The following CENPE variants were observed in gnomAD, a reference collection of about 807,000 sequenced individuals.
CENPE encodes centromere protein E.
CENPE carries 145 observed loss-of-function variants against 336.1 expected under a neutral mutation model. The ratio of observed to expected loss-of-function variants is 0.43; its 90% CI spans 0.38 to 0.50. The LOEUF is 0.50. Ranked by LOEUF, CENPE falls within the 20% of genes least tolerant of loss-of-function variation. The probability of loss-of-function intolerance (pLI) is 0.00; values close to 1 mark genes in which losing one functional copy is unlikely to be tolerated. For missense variants in CENPE, 2,719 were observed against 3,023.3 expected (o/e 0.90, Z 2.36); for synonymous variants, 1,013 against 984.8 (o/e 1.03, Z -0.54).
intron 42 of CENPE, among the ~76,000 whole-genome samples, chr4:103,123,868 T>C (rs1006981301): frequency 2.0e-5 from 3 of 152,188 alleles, no homozygotes; most frequent in African/African-American, 7.2e-5. Flanking sequence ...AGAAGGTCAA[T>C]AGTAGTCTAA....
At chr4:103,174,076 A>G (rs948012819) in intron 16 of CENPE, among the ~76,000 whole-genome samples, 1 of 151,958 alleles carries the variant, frequency 6.6e-6, no homozygotes, top group Non-Finnish European at 1.5e-5. Context: ...ACTTTCCACA[A>G]CAGCCAAGAT....
chr4:103,171,703 A>G (rs1322764018), intron 16 of CENPE, among the ~76,000 whole-genome samples: 1 of 151,648 alleles, frequency 6.6e-6, no homozygotes, highest in Non-Finnish European at 1.5e-5. Context: ...TCCACAAAAT[A>G]AAGAGTTTTT....
At chr4:103,156,778 CAG>C (rs1753992814) in intron 24 of CENPE, among the ~76,000 whole-genome samples, 8 of 151,940 alleles carry the variant, frequency 5.3e-5, no homozygotes, top group African/African-American at 1.9e-4. Context: ...ATACAATCAA[CAG>C]AGTAAAAAGA....
At chr4:103,145,445 A>C in intron 31 of CENPE, 78 bp downstream of exon 31, 1 of 1,421,138 alleles carries the variant, frequency 7.0e-7, no homozygotes, top group Non-Finnish European at 9.6e-7. Context: ...TAAGCATGCC[A>C]AATAGTAGTC....
intron 16 of CENPE, among the ~76,000 whole-genome samples, chr4:103,166,342 C>T (rs1285039938): frequency 1.3e-5 from 2 of 152,120 alleles, no homozygotes; most frequent in African/African-American, 4.8e-5. Flanking sequence ...TAAATCCAGG[C>T]AATTTCACTC....
intron 2 of CENPE, 152 bp from the exon 3 acceptor site, chr4:103,196,404 G>C: frequency 1.5e-6 from 1 of 676,216 alleles, no homozygotes. Context: ...TCAACTTTTT[G>C]GTTCTCTGAA....
intron 16 of CENPE, among the ~76,000 whole-genome samples, chr4:103,174,396 TTAGA>T (rs894486192): frequency 6.6e-6 from 1 of 151,902 alleles, no homozygotes; most frequent in Non-Finnish European, 1.5e-5. Context: ...ATAATGACAG[TTAGA>T]TAGCAGGAAT....
intron 40 of CENPE, among the ~76,000 whole-genome samples, chr4:103,134,619 G>C (rs1751905909): frequency 8.6e-6 from 1 of 115,716 alleles, no homozygotes; most frequent in Non-Finnish European, 1.6e-5. Flanking sequence ...CTGGGCAACA[G>C]AGCAAGACTC....
intron 16 of CENPE, among the ~76,000 whole-genome samples, chr4:103,164,248 A>G (rs1354725931): frequency 6.6e-6 from 1 of 152,118 alleles, no homozygotes; most frequent in African/African-American, 2.4e-5. Context: ...GTAGCATTAA[A>G]TATCTGAGTA....
At chr4:103,132,560 C>T (rs539530125) in intron 42 of CENPE, 133 bp downstream of exon 42, 60 of 455,304 alleles carry the variant, frequency 1.3e-4, no homozygotes, top group Non-Finnish European at 2.0e-4. Context: ...AGGAAGAACA[C>T]GTTTTATCAA....
At chr4:103,133,625 A>G (rs573515667) in intron 41 of CENPE, 70 bp downstream of exon 41, 3 of 1,018,738 alleles carry the variant, frequency 2.9e-6, no homozygotes, top group Admixed American at 2.5e-5. Flanking sequence ...CTCTAAGCAC[A>G]TGAAAAAGTA....
chr4:103,158,674 T>C lies in CENPE; in HGVS notation c.2814A>G (p.Gln938=), dbSNP rs61756290. The change falls in exon 23 of 49, where the codon CAA becomes CAG. Residue 938 remains glutamine, a synonymous_variant. Transcript: ENST00000265148. ...TQEKDDLKQL[Q]ESLQIERDQL... ...GGTCCCTCTCAATTTGCAAGCTTTC[T>C]TGGAGTTGTTTTAGATCATCTTTTT... The C allele has an allele frequency of 2.0e-5, 32 of 1,611,632 alleles. No homozygotes were observed. The highest frequency in any genetic ancestry group is 2.6e-5 in the Non-Finnish European group (31 of 1,179,166).
At position 103,158,326 on chromosome 4, in the gene CENPE, C is replaced by T. The variant is rs774696021; in HGVS notation, c.3007G>A (p.Glu1003Lys). 3 of 1,607,736 alleles carry T rather than the reference C, an allele frequency of 1.9e-6. No homozygotes were observed. Among genetic ancestry groups the T allele is most frequent in the Non-Finnish European group, 2.5e-6 (3 of 1,177,666 alleles). The change falls in exon 24 of 49, where the codon GAA (glutamate) becomes AAA (lysine). Residue 1003 changes from glutamate to lysine, a missense_variant. Glu to Lys is a moderately conservative substitution (Grantham distance 56). Coordinates refer to ENST00000265148, the MANE Select transcript of CENPE (RefSeq NM_001813.3). The part of the protein sequence containing the change: ...RNLHMEENTG[E>K]TKDEFQQKMV... ...TTTTGCTGAAATTCATCTTTAGTTT[C>T]TCCTGTATTTTCCTCCATATGCAAA...
chr4:103,162,091 T>C (rs1754495730), intron 18 of CENPE, among the ~76,000 whole-genome samples: 1 of 152,050 alleles, frequency 6.6e-6, no homozygotes, highest in Admixed American at 6.5e-5. Flanking sequence ...TGGGCAGTTC[T>C]GCTTGCCACG....
At chr4:103,164,660 C>T (rs924804083) in intron 16 of CENPE, among the ~76,000 whole-genome samples, 3 of 151,922 alleles carry the variant, frequency 2.0e-5, no homozygotes, top group Non-Finnish European at 4.4e-5. Context: ...GTAATCTATC[C>T]AACATGTTTC....
rs145882184 is a variant in CENPE, at chr4:103,146,927, G to C, written c.4134+429C>G. 4.3e-4 allele frequency among the ~76,000 whole-genome samples: 66 copies of C among 152,254 alleles called. 2 individuals are homozygous for C. The East Asian group carries it at 0.012, about 27-fold the overall frequency. On this transcript the variant is annotated intron_variant, in intron 29 of 48. Transcript: ENST00000265148. ...TACACACTCAAATCAATAAGATTTG[G>C]TGACTGGATTACAGAATAAGCAGAG...
intron 5 of CENPE, 137 bp downstream of exon 5, chr4:103,194,971 GAATATA>G (rs1298497694): frequency 4.2e-6 from 3 of 715,910 alleles, no homozygotes; most frequent in Admixed American, 3.3e-5. Context: ...TTTAAAAGAT[GAATATA>G]AATACTTCAA....
chr4:103,197,531 T>C (rs1032392680), intron 1 of CENPE, among the ~76,000 whole-genome samples: 8 of 152,222 alleles, frequency 5.3e-5, no homozygotes, highest in African/African-American at 1.9e-4. Flanking sequence ...AAATAGGAAA[T>C]TCCTGATCTT....
At chr4:103,188,708 C>T (rs1757021510) in intron 8 of CENPE, among the ~76,000 whole-genome samples, 1 of 152,138 alleles carries the variant, frequency 6.6e-6, no homozygotes, top group South Asian at 2.1e-4. Flanking sequence ...CTAAAATTGA[C>T]ACCCTAACAT....
Sources: allele counts gnomAD v4.1 joint callset (sites outside exome capture counted in the v4.1 genomes callset), GRCh38; gene constraint gnomAD v4.1.1; transcripts MANE v1.5; gene names NCBI Gene and HGNC (gene_info 2026-07-23, HGNC 2026-07-21).